PNLIPRP1: variants seen among roughly 807,000 people sequenced by gnomAD.
The protein encoded by PNLIPRP1 is inactive pancreatic lipase-related protein 1.
A neutral mutation model predicts 54.6 loss-of-function variants in PNLIPRP1; 57 were observed. The ratio of observed to expected loss-of-function variants is 1.04; its 90% CI spans 0.84 to 1.30. The LOEUF (loss-of-function observed/expected upper bound fraction) is 1.30. Among genes scored for constraint, PNLIPRP1 ranks in the 50% most tolerant of loss-of-function variants. PNLIPRP1 has a pLI of 0.00. For synonymous variants in PNLIPRP1, 232 were observed against 208.8 expected, an observed-to-expected ratio of 1.11 and a Z score of -0.96; for missense variants, 567 against 568.5, an observed-to-expected ratio of 1.00 and a Z score of 0.03.
In PNLIPRP1 at chr10:116,597,909, T is replaced by C; in HGVS notation, c.656T>C (p.Val219Ala). 2 of 1,614,242 alleles carry C rather than the reference T, an allele frequency of 1.2e-6. No individual in the cohort carries two copies. The highest frequency in any genetic ancestry group is 1.7e-6 in the Non-Finnish European group (2 of 1,180,052). The part of the protein sequence containing the change: ...LDPSDADFVD[V>A]IHTDAAPLIP... The stretch of plus-strand genomic sequence containing the variant: ...CCCTCTGATGCTGACTTTGTTGATG[T>C]GATTCACACGGATGCAGCTCCCCTG... The change falls in exon 7 of 13, where the codon GTG becomes GCG. Residue 219 changes from valine (V) to alanine (A), a missense_variant. By Grantham distance (64) the Val-to-Ala change is moderately conservative. Transcript: ENST00000358834.
intron 6 of PNLIPRP1, 73 bp downstream of exon 6, chr10:116,596,395 G>C: frequency 1.2e-6 from 1 of 857,602 alleles, no homozygotes; most frequent in Non-Finnish European, 1.9e-6. Context: ...ATGCAGCCCA[G>C]TTCAGAGCTC....
Position 116,604,036 on chromosome 10 carries a change from G to C in PNLIPRP1, c.1070G>C (p.Arg357Thr). The C allele has an allele frequency of 6.2e-7, 1 of 1,609,968 alleles. No homozygotes were observed. The highest frequency in any genetic ancestry group is 8.5e-7 in the Non-Finnish European group (1 of 1,176,650). ...TCTTCCATCTCCTGTGCAGGCTGGA[G>C]ATATGGGGTTTCCATCACACTGTCT... ...TGEASNFARW[R>T]YGVSITLSGR... Residue 357 changes from arginine (R) to threonine (T), a missense_variant, in exon 11 of 13, where the codon AGA becomes ACA. By Grantham distance (71) the Arg-to-Thr change is moderately conservative. Coordinates refer to ENST00000358834, the MANE Select transcript of PNLIPRP1 (RefSeq NM_006229.4).
In PNLIPRP1 at chr10:116,607,809, C is replaced by T. The variant is rs372108911; in HGVS notation, c.1341-1244C>T. On this transcript the variant is annotated intron_variant, in intron 12 of 12. Transcript: ENST00000358834. ...TTTTTGTTAATTGTAAGACTTTTTA[C>T]ATTTACCATCATGGGATGTTACGTT... Among the ~76,000 whole-genome samples the T allele has an allele frequency of 4.7e-4, 71 of 152,280 alleles. No homozygotes were observed. In the South Asian group the frequency reaches 0.014, roughly 31 times the overall value.
intron 5 of PNLIPRP1, chr10:116,595,769 AGTGGGTT>A (rs1440619005): frequency 1.9e-5 from 3 of 155,576 alleles, no homozygotes; most frequent in African/African-American, 7.2e-5. Flanking sequence ...GCGATCTATT[AGTGGGTT>A]CTGATGGGGA....
intron 8 of PNLIPRP1, among the ~76,000 whole-genome samples, chr10:116,599,219 C>T (rs1334574895): frequency 1.4e-5 from 2 of 138,032 alleles, no homozygotes; most frequent in African/African-American, 5.2e-5. Context: ...CATGCCATTG[C>T]ACCACAGCCT....
chr10:116,598,926 C>T (rs1384063886), intron 8 of PNLIPRP1, among the ~76,000 whole-genome samples: 2 of 152,192 alleles, frequency 1.3e-5, no homozygotes, highest in Non-Finnish European at 1.5e-5. Context: ...ATCAAAATGG[C>T]TTGGCATATA....
At chr10:116,603,168 G>T (rs1847879051) in intron 10 of PNLIPRP1, among the ~76,000 whole-genome samples, 1 of 152,218 alleles carries the variant, frequency 6.6e-6, no homozygotes, top group South Asian at 2.1e-4. Flanking sequence ...AGCTGCTCGT[G>T]CACCTGCTCT....
chr10:116,591,020 C>A (rs112405581), intron 1 of PNLIPRP1, 25 bp downstream of exon 1: 8 of 776,346 alleles, frequency 1.0e-5, no homozygotes, highest in Non-Finnish European at 1.5e-5. Context: ...CAACTCCTTT[C>A]CCCCTGCTGT....
At chr10:116,594,285 A>G in intron 4 of PNLIPRP1, 1 of 502,518 alleles carries the variant, frequency 2.0e-6, no homozygotes. Context: ...CGTGACTATA[A>G]AAATAGTGAA....
chr10:116,608,628 T>C (rs555427651), intron 12 of PNLIPRP1, among the ~76,000 whole-genome samples: 233 of 152,260 alleles, frequency 1.5e-3, no homozygotes, highest in African/African-American at 5.5e-3. Flanking sequence ...TTTGCATAAG[T>C]GAATTAAGCA....
intron 3 of PNLIPRP1, 129 bp downstream of exon 3, chr10:116,592,054 C>T (rs573984638): frequency 2.1e-6 from 2 of 972,356 alleles, no homozygotes; most frequent in Non-Finnish European, 3.1e-6. Flanking sequence ...AGCTGCCCCC[C>T]AGACCTAGCT....
intron 4 of PNLIPRP1, chr10:116,592,950 C>G (rs1354589529): frequency 8.4e-5 from 28 of 334,612 alleles, no homozygotes; most frequent in South Asian, 2.7e-4. Flanking sequence ...GATGGATCAC[C>G]TGAGGTCAGG....
chr10:116,592,270 AG>A, intron 3 of PNLIPRP1, 145 bp from the exon 4 acceptor site: 2 of 850,364 alleles, frequency 2.4e-6, no homozygotes, highest in Non-Finnish European at 3.6e-6. Context: ...GGGCAAGAAA[AG>A]GGAGATCAGG....
chr10:116,600,755 G>A (rs1014619163), intron 9 of PNLIPRP1, among the ~76,000 whole-genome samples: 2 of 152,212 alleles, frequency 1.3e-5, no homozygotes, highest in Non-Finnish European at 2.9e-5. Flanking sequence ...GGTAAGCACT[G>A]CAATCCAGGG....
At chr10:116,607,514 T>G (rs1589578435) in intron 12 of PNLIPRP1, among the ~76,000 whole-genome samples, 1 of 149,148 alleles carries the variant, frequency 6.7e-6, no homozygotes, top group Non-Finnish European at 1.5e-5. Context: ...AGGCAGGGAG[T>G]AGGAGGGAGG....
chr10:116,594,453 T>C (rs1847699029), intron 4 of PNLIPRP1: 2 of 546,096 alleles, frequency 3.7e-6, no homozygotes, highest in East Asian at 4.0e-5. Context: ...GCAATTGTTT[T>C]TCCCTTACTA....
At position 116,592,194 on chromosome 10, in the gene PNLIPRP1, G is replaced by A. The variant is rs1847651452; in HGVS notation, c.205-222G>A. 7 of 639,344 alleles carry A rather than the reference G, an allele frequency of 1.1e-5. No individual in the cohort carries two copies. In the South Asian group the frequency reaches 1.2e-4, roughly 11 times the overall value. The allele number at this position is 639,344 out of a possible 1,614,324, so 39.6% of individuals were successfully genotyped here. The stretch of plus-strand genomic sequence containing the variant: ...GCTTACTGTCTAACAAAAACCACAG[G>A]GAAGGTAAAACCTCAAACCACAATC... On this transcript the variant is annotated intron_variant, in intron 3 of 12. Coordinates refer to ENST00000358834, the MANE Select transcript of PNLIPRP1 (RefSeq NM_006229.4).
At chr10:116,603,227 C>A (rs1416064658) in intron 10 of PNLIPRP1, among the ~76,000 whole-genome samples, 1 of 152,092 alleles carries the variant, frequency 6.6e-6, no homozygotes, top group Non-Finnish European at 1.5e-5. Context: ...AAACACAGTC[C>A]CCGCCCTCGA....
chr10:116,604,921 G>A (rs1351106416), intron 11 of PNLIPRP1, among the ~76,000 whole-genome samples: 1 of 152,026 alleles, frequency 6.6e-6, no homozygotes, highest in Non-Finnish European at 1.5e-5. Flanking sequence ...TCGAACTTCT[G>A]ACCTCAAGTG....
Sources: allele counts gnomAD v4.1 joint callset (sites outside exome capture counted in the v4.1 genomes callset), GRCh38; gene constraint gnomAD v4.1.1; transcripts MANE v1.5; gene names NCBI Gene and HGNC (gene_info 2026-07-23, HGNC 2026-07-21).